Variants in AFG2B observed in about 807,000 individuals in gnomAD.
AFG2B encodes the protein AAA ATPase AFG2B, also known as ATPase family gene 2 protein homolog B.
the AFG2B span, among the ~76,000 whole-genome samples, chr15:45,411,030 C>A: frequency 6.6e-6 from 1 of 152,044 alleles, no homozygotes; most frequent in Non-Finnish European, 1.5e-5. Flanking sequence ...GGTGAAACCC[C>A]GTCTCTACTA....
the AFG2B span, among the ~76,000 whole-genome samples, chr15:45,419,023 A>G: frequency 6.6e-6 from 1 of 152,196 alleles, no homozygotes; most frequent in Admixed American, 6.5e-5. Flanking sequence ...TGGAAGGACA[A>G]ATCGGGAGTT....
the AFG2B span, among the ~76,000 whole-genome samples, chr15:45,414,232 G>A: frequency 6.6e-6 from 1 of 152,254 alleles, no homozygotes; most frequent in East Asian, 1.9e-4. Flanking sequence ...AAGATCTTGG[G>A]GAACGTTCAG....
At chr15:45,415,517 A>G in the AFG2B span, 2 of 1,209,510 alleles carry the variant, frequency 1.7e-6, no homozygotes, top group Admixed American at 4.5e-5. Context: ...AAAAAACAGG[A>G]TTATAAATAG....
the AFG2B span, chr15:45,421,242 T>G: frequency 6.7e-7 from 1 of 1,483,514 alleles, no homozygotes; most frequent in Non-Finnish European, 9.0e-7. Flanking sequence ...CAGTTCACAT[T>G]AATTGAAATG....
At chr15:45,408,365 T>TTCTC in the AFG2B span, among the ~76,000 whole-genome samples, 1 of 151,934 alleles carries the variant, frequency 6.6e-6, no homozygotes, top group African/African-American at 2.4e-5. Flanking sequence ...CCTCTTCTCT[T>TTCTC]TCTCTCTCTC....
At chr15:45,416,123 C>T in the AFG2B span, among the ~76,000 whole-genome samples, 3 of 152,126 alleles carry the variant, frequency 2.0e-5, no homozygotes, top group Admixed American at 2.0e-4. Flanking sequence ...GTATTCATTT[C>T]TTTCTAAAAA....
the AFG2B span, chr15:45,410,539 G>C: frequency 1.9e-6 from 3 of 1,594,794 alleles, no homozygotes; most frequent in Non-Finnish European, 2.6e-6. Context: ...AGGTAAGACA[G>C]ATAATCTACT....
chr15:45,407,045 A>G, the AFG2B span: 1 of 1,289,196 alleles, frequency 7.8e-7, no homozygotes, highest in Non-Finnish European at 1.0e-6. Context: ...GTTTGACCAT[A>G]AGCACCTCTC....
chr15:45,402,665 C>T, the AFG2B span: 23 of 1,577,582 alleles, frequency 1.5e-5, no homozygotes, highest in Non-Finnish European at 1.9e-5. Flanking sequence ...CCGCTGTGCG[C>T]GAGCCCCGGG....
the AFG2B span, chr15:45,402,506 C>T: frequency 6.2e-7 from 1 of 1,607,700 alleles, no homozygotes; most frequent in Non-Finnish European, 8.5e-7. Context: ...GACCGGGGCA[C>T]CCAGCGCTGC....
chr15:45,402,859 A>G, the AFG2B span: 1 of 1,598,474 alleles, frequency 6.3e-7, no homozygotes, highest in Non-Finnish European at 8.5e-7. Flanking sequence ...AAACCGACCG[A>G]TCTCCCTGGG....
the AFG2B span, chr15:45,415,536 C>A: frequency 5.2e-6 from 7 of 1,353,802 alleles, no homozygotes; most frequent in Non-Finnish European, 4.1e-6. Context: ...AGTAATATCA[C>A]ATGACTAATG....
chr15:45,407,849 T>C, the AFG2B span, among the ~76,000 whole-genome samples: 2 of 151,964 alleles, frequency 1.3e-5, no homozygotes, highest in African/African-American at 4.8e-5. Flanking sequence ...ACTTTTTAAC[T>C]AACAAAAAAA....
the AFG2B span, chr15:45,417,252 T>C: frequency 6.2e-7 from 1 of 1,611,722 alleles, no homozygotes; most frequent in Non-Finnish European, 8.5e-7. Context: ...TACTTTGTGT[T>C]GTGTGTTTGC....
the AFG2B span, among the ~76,000 whole-genome samples, chr15:45,408,726 A>C: frequency 6.6e-6 from 1 of 152,302 alleles, no homozygotes; most frequent in African/African-American, 2.4e-5. Context: ...CCTGCTCCTC[A>C]TCAAACTTTC....
the AFG2B span, among the ~76,000 whole-genome samples, chr15:45,416,259 CTGAA>C: frequency 1.3e-4 from 20 of 152,220 alleles, no homozygotes; most frequent in African/African-American, 4.8e-4. Context: ...GGCCCCATAT[CTGAA>C]TGAATGAATG....
At chr15:45,405,190 C>A in the AFG2B span, 1 of 865,702 alleles carries the variant, frequency 1.2e-6, no homozygotes, top group Admixed American at 2.8e-5. Context: ...CATCCCCTCA[C>A]CCCCAACCCT....
At chr15:45,412,831 C>T in the AFG2B span, among the ~76,000 whole-genome samples, 1 of 152,278 alleles carries the variant, frequency 6.6e-6, no homozygotes, top group Non-Finnish European at 1.5e-5. Context: ...TGGGACGCAA[C>T]TCTTCAGATC....
the AFG2B span, chr15:45,403,347 C>A: frequency 1.9e-6 from 3 of 1,608,076 alleles, no homozygotes; most frequent in Non-Finnish European, 2.5e-6. Context: ...ACGAGATGGA[C>A]GCCTTGTGTC....
Sources: gnomAD v4.1 joint callset for allele counts (sites outside exome capture counted in the v4.1 genomes callset) on GRCh38, gnomAD v4.1.1 for gene constraint, MANE v1.5 for transcripts, NCBI Gene and HGNC (gene_info 2026-07-23, HGNC 2026-07-21) for gene names.